The following CD99L2 variants were observed in gnomAD, a reference collection of about 807,000 sequenced individuals.
CD99L2 encodes the protein CD99 antigen-like protein 2.
Under a neutral mutation model 27.3 loss-of-function variants are expected in CD99L2, and 24 were observed. The observed-to-expected ratio is 0.88, with a 90% CI of 0.64 to 1.24. CD99L2 has a LOEUF of 1.24. Among genes scored for constraint, CD99L2 ranks in the 50% most tolerant of loss-of-function variants. The pLI, the probability that CD99L2 is intolerant of heterozygous loss-of-function variation, is 0.00. For synonymous variants in CD99L2, 97 were observed against 87.9 expected (o/e 1.10, Z -0.58); for missense variants, 255 against 221.6 (o/e 1.15, Z -0.96).
intron 4 of CD99L2, among the ~76,000 whole-genome samples, chrX:150,804,970 G>T (rs918340252): frequency 3.6e-5 from 4 of 111,958 alleles, no homozygotes; most frequent in African/African-American, 1.3e-4. Context: ...AGGATCACCT[G>T]AGCACATGAG....
chrX:150,854,932 T>A (rs2046849895), intron 1 of CD99L2, among the ~76,000 whole-genome samples: 1 of 109,979 alleles, frequency 9.1e-6, no homozygotes, highest in Non-Finnish European at 1.9e-5. Flanking sequence ...TCACTGCAGC[T>A]GGTACAATAA....
chrX:150,850,830 T>C (rs2046779784), intron 1 of CD99L2, among the ~76,000 whole-genome samples: 1 of 110,420 alleles, frequency 9.1e-6, no homozygotes, highest in African/African-American at 3.3e-5. Context: ...GAGTACTTTT[T>C]TTTCTTTCTT....
In CD99L2 at chrX:150,768,920, C is replaced by T; in HGVS notation, c.*114G>A. ...AGCTCATCCGGGAAACTCAGACCAACAAGGAGCCGATGGCACAGAGCAGCA... is the reference window on the plus strand; with the variant it reads ...AGCTCATCCGGGAAACTCAGACCAATAAGGAGCCGATGGCACAGAGCAGCA... On this transcript the variant is annotated 3_prime_UTR_variant, in exon 11 of 11. Coordinates refer to ENST00000370377, the MANE Select transcript of CD99L2 (RefSeq NM_031462.4). The T allele has an allele frequency of 1.9e-6, 2 of 1,067,679 alleles. No homozygotes were observed. The highest frequency in any genetic ancestry group is 2.4e-6 in the Non-Finnish European group (2 of 834,312). The allele number at this position is 1,067,679 out of a possible 1,213,427, so 88.0% of individuals were successfully genotyped here.
intron 7 of CD99L2, among the ~76,000 whole-genome samples, chrX:150,783,239 C>G: frequency 9.0e-6 from 1 of 110,742 alleles, no homozygotes; most frequent in East Asian, 2.8e-4. Context: ...CACCATGGCA[C>G]GTGTATAACT....
At chrX:150,896,951 C>T (rs2047621564) in intron 1 of CD99L2, among the ~76,000 whole-genome samples, 1 of 112,334 alleles carries the variant, frequency 8.9e-6, no homozygotes, top group Admixed American at 9.4e-5. Flanking sequence ...ACAATTGTAA[C>T]GTGCAAATCT....
chrX:150,793,987 C>A (rs782732856), intron 6 of CD99L2, among the ~76,000 whole-genome samples: 117 of 111,166 alleles, frequency 1.1e-3, no homozygotes, highest in African/African-American at 3.6e-3. Flanking sequence ...CTATATCACT[C>A]CCGTGATTAG....
chrX:150,861,939 A>ACTATAAACAC (rs1173838714), intron 1 of CD99L2, among the ~76,000 whole-genome samples: 2 of 107,408 alleles, frequency 1.9e-5, no homozygotes, highest in African/African-American at 6.8e-5. Context: ...GAGAGAGAGT[A>ACTATAAACAC]CTATAAACAC....
intron 1 of CD99L2, among the ~76,000 whole-genome samples, chrX:150,886,799 C>T (rs1319489145): frequency 1.5e-4 from 17 of 111,573 alleles, no homozygotes; most frequent in Admixed American, 4.8e-4. Flanking sequence ...CCCGCCTTAT[C>T]CCTTGCAGAA....
rs782346330 is a variant in CD99L2, at chrX:150,863,062, T to C, written c.68-31769A>G. 8.7e-3 allele frequency among the ~76,000 whole-genome samples: 980 copies of C among 112,213 alleles called. 14 individuals are homozygous for C. The highest frequency in any genetic ancestry group is 0.03 in the African/African-American group (932 of 30,885). Reference sequence around the variant, plus strand: ...ACCCTACTTACAATTACGTATATTCTAATTGGGCAATATGACAGACAAAGG... The same window carrying C: ...ACCCTACTTACAATTACGTATATTCCAATTGGGCAATATGACAGACAAAGG... On this transcript the variant is annotated intron_variant, in intron 1 of 10. Transcript: ENST00000370377.
At chrX:150,790,029 C>T (rs782070558) in intron 7 of CD99L2, among the ~76,000 whole-genome samples, 31 of 111,666 alleles carry the variant, frequency 2.8e-4, no homozygotes, top group African/African-American at 9.4e-4. Flanking sequence ...AACAAACTAC[C>T]AAGCTATGAA....
chrX:150,810,608 T>C (rs1408366046), intron 4 of CD99L2, among the ~76,000 whole-genome samples: 5 of 110,247 alleles, frequency 4.5e-5, no homozygotes, highest in Admixed American at 9.7e-5. Flanking sequence ...AAGAAAAATA[T>C]ATGAAAGTAG....
chrX:150,833,164 T>C (rs979577936), intron 1 of CD99L2, among the ~76,000 whole-genome samples: 28 of 110,948 alleles, frequency 2.5e-4, no homozygotes, highest in African/African-American at 8.8e-4. Context: ...ATTTCTATAT[T>C]TGAACAATGA....
chrX:150,873,753 C>T (rs1469054550), intron 1 of CD99L2, among the ~76,000 whole-genome samples: 1 of 110,958 alleles, frequency 9.0e-6, no homozygotes, highest in Non-Finnish European at 1.9e-5. Flanking sequence ...GAGCCAAGCA[C>T]CCAGAGCATG....
chrX:150,876,137 A>C (rs782592155), intron 1 of CD99L2, among the ~76,000 whole-genome samples: 2 of 112,308 alleles, frequency 1.8e-5, no homozygotes, highest in South Asian at 7.4e-4. Context: ...TTAGGAATAA[A>C]GCTGTTATGA....
intron 2 of CD99L2, among the ~76,000 whole-genome samples, chrX:150,826,572 G>T (rs1165410512): frequency 8.9e-6 from 1 of 111,993 alleles, no homozygotes; most frequent in African/African-American, 3.2e-5. Flanking sequence ...ATTAGTGGTT[G>T]CTTGGGGGTG....
rs1557419299 is a variant in CD99L2 at position 150,777,464 on chromosome X, C to G, written c.515G>C (p.Ser172Thr). 8.3e-7 allele frequency: 1 copy of G among 1,211,749 alleles called. No individual in the cohort carries two copies. Among genetic ancestry groups the G allele is most frequent in the South Asian group, 1.8e-5 (1 of 56,950 alleles). ...DKGKGDGRYG[S>T]NDDPGSGMVA... ...CCCACCAGATCCAGGGTCGTCATTG[C>G]TGCCGTACCGGCCATCACCTGAAGA... Residue 172 changes from serine to threonine, a missense_variant, in exon 8 of 11, where the codon AGC becomes ACC. Transcript: ENST00000370377.
At chrX:150,777,209 A>T (rs1290338940) in intron 8 of CD99L2, 2 of 421,839 alleles carry the variant, frequency 4.7e-6, no homozygotes, top group Non-Finnish European at 8.1e-6. Context: ...AATTCACAGA[A>T]CTGTTTTAGG....
chrX:150,788,710 G>T (rs1236037932), intron 7 of CD99L2, among the ~76,000 whole-genome samples: 1 of 111,593 alleles, frequency 9.0e-6, no homozygotes, highest in East Asian at 2.8e-4. Flanking sequence ...ACCCCAGGCT[G>T]CTCTCATTTT....
chrX:150,824,562 AAGGAGG>A (rs372923813), intron 2 of CD99L2, among the ~76,000 whole-genome samples: 5 of 86,184 alleles, frequency 5.8e-5, no homozygotes, highest in East Asian at 4.3e-4. Context: ...AAGAAGAAAG[AAGGAGG>A]AGGAGGAGGA....
Sources: gnomAD v4.1 joint callset for allele counts (sites outside exome capture counted in the v4.1 genomes callset) on GRCh38, gnomAD v4.1.1 for gene constraint, MANE v1.5 for transcripts, NCBI Gene and HGNC (gene_info 2026-07-23, HGNC 2026-07-21) for gene names.